Variants in IFT57 observed in about 807,000 individuals in gnomAD.
The protein encoded by IFT57 is intraflagellar transport protein 57 homolog.
IFT57 carries 59 observed loss-of-function variants against 56.8 expected under a neutral mutation model. That is an observed-to-expected ratio of 1.04 (90% CI 0.84 to 1.29). The LOEUF (loss-of-function observed/expected upper bound fraction) is 1.29, where lower values mean the gene tolerates loss of function less well. IFT57 is among the 50% of genes most tolerant of loss of function. The probability of loss-of-function intolerance (pLI) is 0.00; values close to 1 mark genes in which losing one functional copy is unlikely to be tolerated. For missense variants in IFT57, 470 were observed against 522.1 expected, an observed-to-expected ratio of 0.90 and a Z score of 0.97; for synonymous variants, 209 against 186.1, an observed-to-expected ratio of 1.12 and a Z score of -1.00.
chr3:108,176,952 T>C (rs1013226360), intron 6 of IFT57, among the ~76,000 whole-genome samples: 3 of 151,788 alleles, frequency 2.0e-5, no homozygotes, highest in Admixed American at 2.0e-4. Flanking sequence ...TCTACTAAGA[T>C]GAGGAAATGG....
At chr3:108,205,683 T>G (rs939066314) in intron 5 of IFT57, among the ~76,000 whole-genome samples, 1 of 148,702 alleles carries the variant, frequency 6.7e-6, no homozygotes, top group African/African-American at 2.5e-5. Flanking sequence ...AATAAAGGAC[T>G]AATAGAGCAT....
chr3:108,202,798 A>G (rs946510126), intron 5 of IFT57, among the ~76,000 whole-genome samples: 5 of 152,220 alleles, frequency 3.3e-5, no homozygotes, highest in African/African-American at 4.8e-5. Context: ...AACCTCAAAT[A>G]AATGTTCTGA....
At chr3:108,176,579 C>T (rs929650403) in intron 6 of IFT57, among the ~76,000 whole-genome samples, 2 of 151,752 alleles carry the variant, frequency 1.3e-5, no homozygotes, top group African/African-American at 2.4e-5. Context: ...AGCATGAACA[C>T]GAGGGAAGGT....
Position 108,222,293 on chromosome 3 carries a change from C to A in IFT57, c.30G>T (p.Thr10=). 1.2e-6 allele frequency: 2 copies of A among 1,613,330 alleles called. No homozygotes were observed. Among genetic ancestry groups the A allele is most frequent in the East Asian group, 2.2e-5 (1 of 44,884 alleles). The change falls in exon 1 of 11, where the codon ACG becomes ACT. Residue 10 remains threonine (T), a synonymous_variant. Coordinates refer to ENST00000264538, the MANE Select transcript of IFT57 (RefSeq NM_018010.4). MTAALAVVT[T]SGLEDGVPRS... Reference sequence around the variant, plus strand: ...TAGGCACCCCATCTTCCAAACCCGACGTCGTGACGACGGCCAGAGCAGCAG... The same window carrying A: ...TAGGCACCCCATCTTCCAAACCCGAAGTCGTGACGACGGCCAGAGCAGCAG...
At chr3:108,181,854 ATTTTT>A (rs529513089) in intron 6 of IFT57, among the ~76,000 whole-genome samples, 1 of 151,878 alleles carries the variant, frequency 6.6e-6, no homozygotes. Flanking sequence ...GTAAAAGCTA[ATTTTT>A]TTTATTTGGC....
chr3:108,200,917 A>G (rs990803719), intron 5 of IFT57, among the ~76,000 whole-genome samples: 1 of 152,204 alleles, frequency 6.6e-6, no homozygotes, highest in African/African-American at 2.4e-5. Context: ...TCTATGGCAC[A>G]TAAGAATGTT....
intron 6 of IFT57, among the ~76,000 whole-genome samples, chr3:108,190,933 C>T (rs1378851326): frequency 6.6e-6 from 1 of 152,068 alleles, no homozygotes; most frequent in East Asian, 1.9e-4. Context: ...GCTGGGATTA[C>T]AGGCACGTGC....
intron 3 of IFT57, among the ~76,000 whole-genome samples, chr3:108,217,935 C>G (rs1265498255): frequency 3.3e-5 from 5 of 151,690 alleles, no homozygotes; most frequent in Non-Finnish European, 7.4e-5. Context: ...TAACAGAGTA[C>G]TTGTGAAGAT....
intron 5 of IFT57, among the ~76,000 whole-genome samples, chr3:108,197,485 A>G (rs1390990006): frequency 6.6e-6 from 1 of 152,210 alleles, no homozygotes; most frequent in Non-Finnish European, 1.5e-5. Flanking sequence ...CACACCATCG[A>G]AGTCAGTTCA....
chr3:108,185,941 T>A (rs1430319710), intron 6 of IFT57, among the ~76,000 whole-genome samples: 1 of 152,130 alleles, frequency 6.6e-6, no homozygotes, highest in Non-Finnish European at 1.5e-5. Context: ...TAAAGTTTTT[T>A]GATATCGGAC....
intron 3 of IFT57, among the ~76,000 whole-genome samples, chr3:108,217,113 A>G (rs753164648): frequency 1.2e-4 from 19 of 152,190 alleles, no homozygotes; most frequent in Admixed American, 4.6e-4. Flanking sequence ...TCTTGCCACA[A>G]TAAAATGATA....
chr3:108,214,105 A>T (rs1033536910), intron 3 of IFT57, 84 bp from the exon 4 acceptor site: 1 of 731,756 alleles, frequency 1.4e-6, no homozygotes, highest in African/African-American at 1.8e-5. Flanking sequence ...CATGTCCTCT[A>T]TGCCAGGTTT....
intron 5 of IFT57, among the ~76,000 whole-genome samples, chr3:108,202,498 T>C (rs1226965503): frequency 3.3e-5 from 5 of 152,224 alleles, no homozygotes; most frequent in Non-Finnish European, 7.3e-5. Context: ...GTGTCCTTTC[T>C]CATGGCCACT....
chr3:108,192,052 G>C (rs1271511677), intron 5 of IFT57, among the ~76,000 whole-genome samples: 1 of 151,332 alleles, frequency 6.6e-6, no homozygotes, highest in South Asian at 2.1e-4. Context: ...GGCGCCTGTA[G>C]TCCCAGCTAC....
At position 108,161,165 on chromosome 3, in the gene IFT57, G is replaced by GAA. The variant is rs1190073797; in HGVS notation, c.*1310_*1311dup. 1 of 151,548 alleles carries GAA rather than the reference G, an allele frequency of 6.6e-6. No individual in the cohort carries two copies. The highest frequency in any genetic ancestry group is 1.5e-5 in the Non-Finnish European group (1 of 67,954). 9.4% of individuals were successfully genotyped at this position (151,548 alleles called of 1,614,324 possible). A position where few individuals can be genotyped will look rare whatever the true frequency, so the allele number is the denominator to read the frequency against. On this transcript the variant is annotated 3_prime_UTR_variant, in exon 11 of 11. Coordinates refer to ENST00000264538, the MANE Select transcript of IFT57 (RefSeq NM_018010.4). ...TAGACTCCTCCCAAAGACCACACAG[G>GAA]AAAAGAGCAACTTCAGATTTTAAAA...
intron 5 of IFT57, among the ~76,000 whole-genome samples, chr3:108,205,819 ATAT>A (rs887665474): frequency 1.5e-4 from 16 of 103,382 alleles, no homozygotes; most frequent in African/African-American, 3.0e-4. Flanking sequence ...AGCATATTAT[ATAT>A]TATTTATATA....
intron 5 of IFT57, among the ~76,000 whole-genome samples, chr3:108,194,119 G>A (rs902813302): frequency 6.6e-6 from 1 of 152,190 alleles, no homozygotes; most frequent in Non-Finnish European, 1.5e-5. Flanking sequence ...TTAATAGAAT[G>A]CAGGTATTGC....
At chr3:108,213,900 A>G in intron 4 of IFT57, 31 bp downstream of exon 4, 1 of 1,352,196 alleles carries the variant, frequency 7.4e-7, no homozygotes, top group Non-Finnish European at 1.1e-6. Context: ...CGAAAGGTGA[A>G]AATGAACAGA....
rs527604264 is a variant in IFT57 at position 108,162,423 on chromosome 3, A to G, written c.*54T>C. 461 of 1,398,236 alleles carry G rather than the reference A, an allele frequency of 3.3e-4. 6 individuals carry two copies. The South Asian group carries it at 6.1e-3, about 19-fold the overall frequency. The allele number at this position is 1,398,236 out of a possible 1,614,324, so 86.6% of individuals were successfully genotyped here. On this transcript the variant is annotated 3_prime_UTR_variant, in exon 11 of 11. Transcript: ENST00000264538. Reference sequence around the variant, plus strand: ...TGTTTTGAAATCTATGCAACATGAAATATAGTTTGATATAAAAAACCCAAC... The same window carrying G: ...TGTTTTGAAATCTATGCAACATGAAGTATAGTTTGATATAAAAAACCCAAC...
Sources: gnomAD v4.1 joint callset for allele counts (sites outside exome capture counted in the v4.1 genomes callset) on GRCh38, gnomAD v4.1.1 for gene constraint, MANE v1.5 for transcripts, NCBI Gene and HGNC (gene_info 2026-07-23, HGNC 2026-07-21) for gene names.